BAIAP3: variants seen among roughly 807,000 people sequenced by gnomAD.
BAIAP3 encodes the protein BAI1-associated protein 3.
In BAIAP3, 180 loss-of-function variants were observed where a neutral mutation model predicts 149.7. The ratio of observed to expected loss-of-function variants is 1.20; its 90% CI spans 1.07 to 1.36. BAIAP3 has a LOEUF of 1.36. Among genes scored for constraint, BAIAP3 ranks in the 40% most tolerant of loss-of-function variants. The pLI is 0.00. For synonymous variants in BAIAP3, 845 were observed against 670.7 expected (o/e 1.26, Z -4.02); for missense variants, 1,767 against 1,563.4 (o/e 1.13, Z -2.20).
chr16:1,339,388 C>T lies in BAIAP3; in HGVS notation c.301-108C>T, dbSNP rs536530061. ...GGGTGAGTGAGGAGCGGAGGGGCTC[C>T]TGGTGCAAAGAGGCAGAGGTGGGGC... On this transcript the variant is annotated intron_variant, in intron 4 of 33. Coordinates refer to ENST00000426824, the MANE Select transcript of BAIAP3 (RefSeq NM_001199097.2). 2.2e-4 allele frequency: 323 copies of T among 1,479,256 alleles called. 3 individuals carry two copies. In the South Asian group the frequency reaches 3.9e-3, roughly 18 times the overall value. The allele number at this position is 1,479,256 out of a possible 1,614,324, so 91.6% of individuals were successfully genotyped here.
chr16:1,339,257 G>T lies in BAIAP3; in HGVS notation c.300+13G>T, dbSNP rs971941910. ...GGCCCCAGAGGAGGTAAAGGTGGGG[G>T]TCGGAACCAGGGGCAGTCGTCTGCA... On this transcript the variant is annotated intron_variant, in intron 4 of 33. Coordinates refer to ENST00000426824, the MANE Select transcript of BAIAP3 (RefSeq NM_001199097.2). 3.9e-6 allele frequency: 6 copies of T among 1,556,974 alleles called. No homozygotes were observed. Among genetic ancestry groups the T allele is most frequent in the Non-Finnish European group, 4.3e-6 (5 of 1,152,822 alleles).
Position 1,348,043 on chromosome 16 carries a change from G to A in BAIAP3, c.3149+26G>A, listed in dbSNP as rs538899528. The A allele has an allele frequency of 4.4e-6, 7 of 1,593,546 alleles. No individual in the cohort carries two copies. The East Asian group carries it at 1.4e-4, about 31-fold the overall frequency. On this transcript the variant is annotated intron_variant, in intron 32 of 33. Coordinates refer to ENST00000426824, the MANE Select transcript of BAIAP3 (RefSeq NM_001199097.2). The stretch of plus-strand genomic sequence containing the variant: ...GTGAGTGTCCTAAGCCCCAGCCCCA[G>A]CCCCAGGCTCCAGGCTGCCGGAGCG...
chr16:1,336,832 G>A (rs764017446), intron 1 of BAIAP3, among the ~76,000 whole-genome samples: 114 of 152,184 alleles, frequency 7.5e-4, no homozygotes, highest in Non-Finnish European at 9.6e-4. Context: ...TGCCCTTTGC[G>A]AGGGCCAGTG....
At position 1,345,036 on chromosome 16, in the gene BAIAP3, G is replaced by T. The variant is rs753798237; in HGVS notation, c.1877G>T (p.Gly626Val). 1 of 1,612,418 alleles carries T rather than the reference G, an allele frequency of 6.2e-7. No homozygotes were observed. The highest frequency in any genetic ancestry group is 2.2e-5 in the East Asian group (1 of 44,878). ...SPKMTLEVASGLFELYLTLAD... is the reference protein window; with the variant it reads ...SPKMTLEVASVLFELYLTLAD... Reference sequence around the variant, plus strand: ...AAGATGACCCTGGAGGTGGCCTCGGGGCTCTTTGAGCTCTACCTGACCCTG... The same window carrying T: ...AAGATGACCCTGGAGGTGGCCTCGGTGCTCTTTGAGCTCTACCTGACCCTG... The change falls in exon 21 of 34, where the codon GGG becomes GTG. Residue 626 changes from glycine to valine, a missense_variant. Physicochemically the swap from Gly to Val is moderately radical, Grantham distance 109. Transcript: ENST00000426824.
intron 15 of BAIAP3, among the ~76,000 whole-genome samples, 159 bp from the exon 16 acceptor site, chr16:1,343,861 CCG>C (rs2034107142): frequency 8.1e-6 from 1 of 123,284 alleles, no homozygotes; most frequent in African/African-American, 4.4e-5. Flanking sequence ...CTGGGACAGG[CCG>C]TCTGGGACAG....
At chr16:1,341,265 G>A in intron 7 of BAIAP3, 29 bp from the exon 8 acceptor site, 1 of 1,606,602 alleles carries the variant, frequency 6.2e-7, no homozygotes, top group Non-Finnish European at 8.5e-7. Context: ...AGGGCGTGGG[G>A]CCAGGGCTGA....
chr16:1,339,697 C>A (rs2033724520), intron 5 of BAIAP3, 94 bp downstream of exon 5: 1 of 991,626 alleles, frequency 1.0e-6, no homozygotes, highest in Non-Finnish European at 1.5e-6. Flanking sequence ...AAACAGTATG[C>A]AGAATCTCCC....
intron 4 of BAIAP3, 115 bp from the exon 5 acceptor site, chr16:1,339,381 G>A: frequency 6.8e-7 from 1 of 1,466,404 alleles, no homozygotes; most frequent in Non-Finnish European, 9.3e-7. Context: ...GAGGAGCGGA[G>A]GGGCTCCTGG....
Position 1,348,544 on chromosome 16 carries a change from C to T in BAIAP3, c.*62C>T. On this transcript the variant is annotated 3_prime_UTR_variant, in exon 34 of 34. Coordinates refer to ENST00000426824, the MANE Select transcript of BAIAP3 (RefSeq NM_001199097.2). Reference sequence around the variant, plus strand: ...CCAAGTTCCCTGAAGCATCCTCCAGCTCACTGTGGCCAGCTTTGTGCAACC... The same window carrying T: ...CCAAGTTCCCTGAAGCATCCTCCAGTTCACTGTGGCCAGCTTTGTGCAACC... The T allele has an allele frequency of 6.7e-7, 1 of 1,488,024 alleles. No homozygotes were observed. Among genetic ancestry groups the T allele is most frequent in the South Asian group, 1.2e-5 (1 of 82,782 alleles). The allele number at this position is 1,488,024 out of a possible 1,614,324, so 92.2% of individuals were successfully genotyped here.
At chr16:1,334,476 T>G in intron 1 of BAIAP3, 2 of 591,402 alleles carry the variant, frequency 3.4e-6, no homozygotes, top group Non-Finnish European at 6.0e-6. Flanking sequence ...AGGGGGTCGG[T>G]GAGCAGAGGG....
intron 1 of BAIAP3, chr16:1,334,474 G>A: frequency 1.7e-6 from 1 of 604,230 alleles, no homozygotes; most frequent in South Asian, 2.1e-5. Context: ...GGAGGGGGTC[G>A]GTGAGCAGAG....
At chr16:1,339,391 G>A in intron 4 of BAIAP3, 105 bp from the exon 5 acceptor site, 1 of 1,468,562 alleles carries the variant, frequency 6.8e-7, no homozygotes, top group Non-Finnish European at 9.3e-7. Context: ...GGGGCTCCTG[G>A]TGCAAAGAGG....
At position 1,344,278 on chromosome 16, in the gene BAIAP3, C is replaced by T. The variant is rs753807188; in HGVS notation, c.1563C>T (p.Phe521=). Residue 521 remains phenylalanine, a synonymous_variant, in exon 17 of 34, where the codon TTC becomes TTT. Transcript: ENST00000426824. ...AACCCTCCTTTGAGATCTGCCCCTT[C>T]GAGTCGGAGCTGAACATGGACATTG... ...LFQPSFEICP[F]ESELNMDIAA... The T allele has an allele frequency of 1.2e-6, 2 of 1,613,900 alleles. No homozygotes were observed. The highest frequency in any genetic ancestry group is 1.7e-6 in the Non-Finnish European group (2 of 1,180,014).
rs1019083434 is a variant in BAIAP3, at chr16:1,333,676, C to T, written c.-84C>T. ...CGGCGCGCGCGGCTGGGAGCGGTAGCTGTGCCTCGGCGTCCCCGAGCTGGT... is the reference window on the plus strand; with the variant it reads ...CGGCGCGCGCGGCTGGGAGCGGTAGTTGTGCCTCGGCGTCCCCGAGCTGGT... On this transcript the variant is annotated 5_prime_UTR_variant, in exon 1 of 34. Transcript: ENST00000426824. 1 of 151,752 alleles carries T rather than the reference C, an allele frequency of 6.6e-6. No individual in the cohort carries two copies. Among genetic ancestry groups the T allele is most frequent in the Non-Finnish European group, 1.5e-5 (1 of 67,918 alleles). The allele number at this position is 151,752 out of a possible 1,614,324, so 9.4% of individuals were successfully genotyped here. A position where few individuals can be genotyped will look rare whatever the true frequency, so the allele number is the denominator to read the frequency against.
At chr16:1,336,664 A>G (rs1332507952) in intron 1 of BAIAP3, among the ~76,000 whole-genome samples, 2 of 152,270 alleles carry the variant, frequency 1.3e-5, no homozygotes, top group South Asian at 2.1e-4. Flanking sequence ...CACCACTGGC[A>G]TGGTGTGCTC....
At chr16:1,334,586 A>C in intron 1 of BAIAP3, 1 of 1,405,730 alleles carries the variant, frequency 7.1e-7, no homozygotes, top group Middle Eastern at 2.4e-4. Flanking sequence ...GGACCTTGGC[A>C]GCCGTCTGAG....
At chr16:1,334,833 G>T (rs1244204631) in intron 1 of BAIAP3, 11 of 1,381,860 alleles carry the variant, frequency 8.0e-6, no homozygotes, top group Non-Finnish European at 1.1e-5. Context: ...GGGAGGAAGA[G>T]CAGGGAAGCT....
rs2034034547 is a variant in BAIAP3 at position 1,343,023 on chromosome 16, G to A, written c.1265+7G>A. The A allele has an allele frequency of 6.2e-7, 1 of 1,604,360 alleles. No individual in the cohort carries two copies. Among genetic ancestry groups the A allele is most frequent in the Non-Finnish European group, 8.5e-7 (1 of 1,179,046 alleles). ...CCTTGCAGCTGGCCGTGCTGTGAGT[G>A]GGTGGAGCTACGAGTGGGCGGGGAA... On this transcript the variant is annotated splice_region_variant and intron_variant, in intron 14 of 33. Coordinates refer to ENST00000426824, the MANE Select transcript of BAIAP3 (RefSeq NM_001199097.2).
At chr16:1,344,574 G>A (rs1316743387) in intron 18 of BAIAP3, 27 bp from the exon 19 acceptor site, 18 of 1,612,640 alleles carry the variant, frequency 1.1e-5, no homozygotes, top group East Asian at 2.2e-5. Context: ...CAGCCGAGAG[G>A]TGGGTACGAG....
Sources: allele counts gnomAD v4.1 joint callset (sites outside exome capture counted in the v4.1 genomes callset), GRCh38; gene constraint gnomAD v4.1.1; transcripts MANE v1.5; gene names NCBI Gene and HGNC (gene_info 2026-07-23, HGNC 2026-07-21).